BSPH1: variants seen among roughly 807,000 people sequenced by gnomAD.
BSPH1 encodes the protein binder of sperm 1.
In BSPH1, 21 loss-of-function variants were observed where a neutral mutation model predicts 22.5. The ratio of observed to expected loss-of-function variants is 0.93; its 90% CI spans 0.66 to 1.35. The LOEUF (loss-of-function observed/expected upper bound fraction) is 1.35, where lower values mean the gene tolerates loss of function less well. Among genes scored for constraint, BSPH1 ranks in the 40% most tolerant of loss-of-function variants. BSPH1 has a pLI of 0.00. For synonymous variants in BSPH1, 42 were observed against 53.6 expected (o/e 0.78, Z 0.95); for missense variants, 141 against 154.2 (o/e 0.91, Z 0.45).
chr19:47,991,225 A>G (rs1966872408), intron 1 of BSPH1, among the ~76,000 whole-genome samples: 2 of 152,044 alleles, frequency 1.3e-5, no homozygotes, highest in Admixed American at 1.3e-4. Context: ...CACACCGCGA[A>G]TCAGGCAGAC....
intron 1 of BSPH1, 75 bp from the exon 2 acceptor site, chr19:47,981,016 A>C: frequency 3.6e-6 from 3 of 822,544 alleles, no homozygotes; most frequent in Middle Eastern, 2.3e-4. Context: ...ACCAATTTCT[A>C]TTCTAGTAAG....
At position 47,969,318 on chromosome 19, in the gene BSPH1, T is replaced by C. The variant is rs1011542911; in HGVS notation, c.*3-1109A>G. On this transcript the variant is annotated intron_variant, in intron 5 of 5. Coordinates refer to ENST00000344839, the MANE Select transcript of BSPH1 (RefSeq NM_001128326.2). ...TATCAGAGTTCCTGGCCTGGGGATA[T>C]GAAGCAGAATTGAGATTCTATTTTG... 6.6e-5 allele frequency among the ~76,000 whole-genome samples: 10 copies of C among 152,144 alleles called. 1 individual carries two copies. Among genetic ancestry groups the C allele is most frequent in the African/African-American group, 2.2e-4 (9 of 41,436 alleles).
chr19:47,987,447 G>T (rs1370156220), intron 1 of BSPH1, among the ~76,000 whole-genome samples: 5 of 149,582 alleles, frequency 3.3e-5, no homozygotes. Flanking sequence ...GTACAGTGGC[G>T]CTGTCATAGC....
Position 47,977,419 on chromosome 19 carries a change from C to T in BSPH1, c.210G>A (p.Ser70=), listed in dbSNP as rs150415301. The T allele has an allele frequency of 7.7e-6, 12 of 1,552,190 alleles. No individual in the cohort carries two copies. The Admixed American group carries it at 1.6e-4, about 20-fold the overall frequency. The change falls in exon 4 of 6, where the codon TCG becomes TCA. Residue 70 remains serine (S), a synonymous_variant. Coordinates refer to ENST00000344839, the MANE Select transcript of BSPH1 (RefSeq NM_001128326.2). ...IKSKARHKWC[S]LNKTYEGYWK... ...AGTATCCTTCGTAGGTCTTGTTTAA[C>T]GAGCACCACTTGTGTCTTGCCTTGG... is the stretch of plus-strand genomic sequence containing the variant.
Position 47,976,719 on chromosome 19 carries a change from C to A in BSPH1, c.392G>T (p.Cys131Phe). 6.4e-7 allele frequency: 1 copy of A among 1,551,670 alleles called. No individual in the cohort carries two copies. Among genetic ancestry groups the A allele is most frequent in the South Asian group, 1.2e-5 (1 of 84,050 alleles). Reference sequence around the variant, plus strand: ...CCCTGGTAAATCTCACCATCATTCACAGTATTTCCAAATTCGGTCCTTGTT... The same window carrying A: ...CCCTGGTAAATCTCACCATCATTCAAAGTATTTCCAAATTCGGTCCTTGTT... ...NFNKDRIWKY[C>F]E Residue 131 changes from cysteine to phenylalanine, a missense_variant, in exon 5 of 6, where the codon TGT (cysteine) becomes TTT (phenylalanine). Transcript: ENST00000344839.
intron 5 of BSPH1, 113 bp downstream of exon 5, chr19:47,976,591 AAAAAAC>A (rs1969365674): frequency 3.3e-4 from 225 of 678,072 alleles, no homozygotes; most frequent in African/African-American, 4.3e-4. Flanking sequence ...AGAAAAAAAA[AAAAAAC>A]AAAAAAAAAC....
chr19:47,986,183 T>G lies in BSPH1; in HGVS notation c.74-5242A>C, dbSNP rs777702665. On this transcript the variant is annotated intron_variant, in intron 1 of 5. Transcript: ENST00000344839. ...TCCTAACTTGGCCAAGATTCTTGTT[T>G]GGGTTCAAGAGCTGGGTCAGGAGTC... 7.2e-4 allele frequency among the ~76,000 whole-genome samples: 109 copies of G among 152,324 alleles called. 2 individuals carry two copies. The highest frequency in any genetic ancestry group is 1.8e-3 in the Admixed American group (28 of 15,304).
rs905708752 is a variant in BSPH1, at chr19:47,981,737, A to G, written c.74-796T>C. On this transcript the variant is annotated intron_variant, in intron 1 of 5. Coordinates refer to ENST00000344839, the MANE Select transcript of BSPH1 (RefSeq NM_001128326.2). ...TCCTCCCCAGTTTGAATATCCTAAT[A>G]TTCTTGGAATGAAGGAAACTGCCTG... The G allele has an allele frequency of 5.1e-6, 5 of 975,806 alleles. No individual in the cohort carries two copies. The Admixed American group carries it at 3.1e-4, about 60-fold the overall frequency. 60.4% of individuals were successfully genotyped at this position (975,806 alleles called of 1,614,324 possible).
intron 5 of BSPH1, among the ~76,000 whole-genome samples, chr19:47,968,681 TAAAAAAA>T (rs71181616): frequency 6.5e-5 from 6 of 92,218 alleles, no homozygotes; most frequent in African/African-American, 1.3e-4. Flanking sequence ...GACCCTGTCT[TAAAAAAA>T]AAAAAAAAAA....
At chr19:47,985,529 A>G (rs1188994558) in intron 1 of BSPH1, among the ~76,000 whole-genome samples, 5 of 152,176 alleles carry the variant, frequency 3.3e-5, no homozygotes, top group Admixed American at 2.0e-4. Flanking sequence ...AAAGAGAGGA[A>G]GCACATTAGA....
intron 1 of BSPH1, among the ~76,000 whole-genome samples, chr19:47,985,071 AAAAAAAAGAAAG>A (rs60841366): frequency 0.022 from 2,992 of 134,274 alleles, 81 homozygotes; most frequent in African/African-American, 0.07. Flanking sequence ...CTGAAAAAAA[AAAAAAAAGAAAG>A]AAAAAGAAAA....
At chr19:47,978,478 G>C (rs930986372) in intron 3 of BSPH1, among the ~76,000 whole-genome samples, 1 of 152,080 alleles carries the variant, frequency 6.6e-6, no homozygotes, top group Non-Finnish European at 1.5e-5. Context: ...TCCACATTCA[G>C]ATTTTTCCTA....
At chr19:47,979,758 T>A (rs77807801) in intron 2 of BSPH1, among the ~76,000 whole-genome samples, 159 bp from the exon 3 acceptor site, 6,444 of 152,200 alleles carry the variant, frequency 0.042, 303 homozygotes, top group East Asian at 0.14. Context: ...TCTGCTCTTT[T>A]TCAAAATGTA....
chr19:47,978,001 G>GGTATATATAT (rs1969381968), intron 3 of BSPH1, among the ~76,000 whole-genome samples: 1 of 110,458 alleles, frequency 9.1e-6, no homozygotes, highest in Non-Finnish European at 1.9e-5. Context: ...GTTAATACAG[G>GGTATATATAT]ATATATATAT....
rs141594072 is a variant in BSPH1, at chr19:47,972,111, C to T, written c.*3-3902G>A. On this transcript the variant is annotated intron_variant, in intron 5 of 5. Transcript: ENST00000344839. Reference sequence around the variant, plus strand: ...ATACCTGGGGTTTGCTCTATTAAATCGGAAGATAATTGGCACTTTCCTCGT... The same window carrying T: ...ATACCTGGGGTTTGCTCTATTAAATTGGAAGATAATTGGCACTTTCCTCGT... Among the ~76,000 whole-genome samples, 24 of 152,164 alleles carry T rather than the reference C, an allele frequency of 1.6e-4. No individual in the cohort carries two copies. In the East Asian group the frequency reaches 4.3e-3, roughly 27 times the overall value.
chr19:47,990,656 TA>T (rs1398875787), intron 1 of BSPH1, among the ~76,000 whole-genome samples: 1 of 152,284 alleles, frequency 6.6e-6, no homozygotes, highest in East Asian at 1.9e-4. Flanking sequence ...GAAGAATACT[TA>T]AAAGAAATAT....
chr19:47,981,772 C>CTTT, intron 1 of BSPH1: 1 of 828,248 alleles, frequency 1.2e-6, no homozygotes, highest in Non-Finnish European at 1.5e-6. Context: ...GATAGCTTTA[C>CTTT]TTTTTTTTTT....
intron 1 of BSPH1, among the ~76,000 whole-genome samples, chr19:47,989,116 AT>A (rs1341269364): frequency 8.4e-5 from 4 of 47,496 alleles, no homozygotes; most frequent in Admixed American, 2.2e-4. Flanking sequence ...CCGTTTTATT[AT>A]TATTATTATT....
intron 4 of BSPH1, among the ~76,000 whole-genome samples, chr19:47,977,080 G>T (rs1314432117): frequency 6.6e-6 from 1 of 152,170 alleles, no homozygotes; most frequent in African/African-American, 2.4e-5. Flanking sequence ...AGTATCATCT[G>T]CTCTGCCCTA....
Sources: allele counts gnomAD v4.1 joint callset (sites outside exome capture counted in the v4.1 genomes callset), GRCh38; gene constraint gnomAD v4.1.1; transcripts MANE v1.5; gene names NCBI Gene and HGNC (gene_info 2026-07-23, HGNC 2026-07-21).